DYSF: variants seen among roughly 807,000 people sequenced by gnomAD.
DYSF encodes dystrophy-associated fer-1-like 1.
In DYSF, 212 loss-of-function variants were observed where a neutral mutation model predicts 274.9. That is an observed-to-expected ratio of 0.77 (90% CI 0.69 to 0.86). DYSF has a LOEUF of 0.86. Ranked by LOEUF, DYSF falls within the 40% of genes least tolerant of loss-of-function variation. DYSF has a pLI of 0.00. For synonymous variants in DYSF, 1,091 were observed against 1,078.7 expected, an observed-to-expected ratio of 1.01 and a Z score of -0.22; for missense variants, 2,666 against 2,783.2, an observed-to-expected ratio of 0.96 and a Z score of 0.95.
intron 1 of DYSF, among the ~76,000 whole-genome samples, chr2:71,480,203 A>G (rs919425123): frequency 6.6e-6 from 1 of 152,200 alleles, no homozygotes; most frequent in Admixed American, 6.5e-5. Flanking sequence ...GTTGTTCAAA[A>G]GAGGAATGAA....
At chr2:71,672,345 T>C (rs2095140265) in intron 51 of DYSF, among the ~76,000 whole-genome samples, 1 of 152,198 alleles carries the variant, frequency 6.6e-6, no homozygotes, top group African/African-American at 2.4e-5. Context: ...GCAGGGGCAC[T>C]GCACAGCCTC....
intron 4 of DYSF, among the ~76,000 whole-genome samples, chr2:71,504,651 G>A (rs959137154): frequency 6.6e-6 from 1 of 152,214 alleles, no homozygotes; most frequent in African/African-American, 2.4e-5. Context: ...AGAAAGCCTT[G>A]GGGTCAGGCT....
chr2:71,574,482 G>GACCA, intron 30 of DYSF, 111 bp downstream of exon 30: 2 of 1,352,658 alleles, frequency 1.5e-6, no homozygotes, highest in Non-Finnish European at 2.0e-6. Flanking sequence ...ACTTTTGGAT[G>GACCA]GAACGCTGGC....
At chr2:71,630,531 GT>G (rs1029386402) in intron 41 of DYSF, among the ~76,000 whole-genome samples, 35 of 152,334 alleles carry the variant, frequency 2.3e-4, no homozygotes, top group African/African-American at 8.2e-4. Flanking sequence ...TCAGACACCT[GT>G]TGGGTCAATT....
chr2:71,618,534 GGGT>G (rs2093993274), intron 40 of DYSF, among the ~76,000 whole-genome samples: 1 of 134,310 alleles, frequency 7.4e-6, no homozygotes, highest in South Asian at 2.5e-4. Flanking sequence ...GGTAGAGGTG[GGGT>G]GTGTGTGTGT....
At chr2:71,571,643 G>A (rs111162094) in intron 29 of DYSF, among the ~76,000 whole-genome samples, 2 of 84,436 alleles carry the variant, frequency 2.4e-5, no homozygotes, top group Non-Finnish European at 4.4e-5. Context: ...AGCACATGCA[G>A]AGATCACACA....
At chr2:71,590,380 G>T in intron 32 of DYSF, 92 bp downstream of exon 32, 1 of 1,413,730 alleles carries the variant, frequency 7.1e-7, no homozygotes, top group Non-Finnish European at 1.0e-6. Context: ...GGTGCTGTTT[G>T]CTGGGTGCAT....
chr2:71,499,134 C>T (rs1327250548), intron 3 of DYSF, among the ~76,000 whole-genome samples: 1 of 152,162 alleles, frequency 6.6e-6, no homozygotes, highest in African/African-American at 2.4e-5. Flanking sequence ...ACAGGTAACC[C>T]CTCTTCTTAG....
In DYSF at chr2:71,623,930, G is replaced by A. The variant is rs142394722; in HGVS notation, c.4527+3321G>A. On this transcript the variant is annotated intron_variant, in intron 41 of 55. Coordinates refer to ENST00000410020, the MANE Select transcript of DYSF (RefSeq NM_001130987.2). ...CAGAAAATACAAAAATTAGCCAGGT[G>A]TGGTGGCACATGCCTGTAGTCCCAG... Among the ~76,000 whole-genome samples, 453 of 152,256 alleles carry A rather than the reference G, an allele frequency of 3.0e-3. 2 individuals carry two copies. The highest frequency in any genetic ancestry group is 0.011 in the African/African-American group (439 of 41,544).
intron 40 of DYSF, among the ~76,000 whole-genome samples, chr2:71,618,411 T>TGG (rs142055039): frequency 0.013 from 59 of 4,710 alleles, no homozygotes; most frequent in African/African-American, 0.017. Context: ...GTGGTAGAGG[T>TGG]GGTGTGTGTG....
In DYSF at chr2:71,511,877, C is replaced by A; in HGVS notation, c.416C>A (p.Pro139His). ...GAVPLFPPPT[P>H]LEPSPTLPDL... ...GTGCCCCTGTTCCCGCCCCCTACTC[C>A]TCTGGAGCCCTCCCCGACTCTGCCT... is the stretch of plus-strand genomic sequence containing the variant. The change falls in exon 5 of 56, where the codon CCT (proline) becomes CAT (histidine). Residue 139 changes from proline to histidine, a missense_variant. Coordinates refer to ENST00000410020, the MANE Select transcript of DYSF (RefSeq NM_001130987.2). 1 of 1,551,604 alleles carries A rather than the reference C, an allele frequency of 6.4e-7. No homozygotes were observed. The highest frequency in any genetic ancestry group is 1.2e-5 in the South Asian group (1 of 84,052).
chr2:71,564,331 G>C, intron 24 of DYSF, 118 bp downstream of exon 24: 1 of 1,418,858 alleles, frequency 7.0e-7, no homozygotes, highest in Non-Finnish European at 9.8e-7. Flanking sequence ...CTGTGGTCTT[G>C]GAAGGAGAAG....
chr2:71,454,414 G>A (rs948652474), intron 1 of DYSF, among the ~76,000 whole-genome samples: 2 of 152,168 alleles, frequency 1.3e-5, no homozygotes, highest in African/African-American at 2.4e-5. Context: ...TGCCGGCGGC[G>A]AAGCGCTGTA....
chr2:71,554,697 G>A (rs988185056), intron 21 of DYSF, among the ~76,000 whole-genome samples: 1 of 152,218 alleles, frequency 6.6e-6, no homozygotes, highest in Non-Finnish European at 1.5e-5. Flanking sequence ...AGGAACTCAA[G>A]TGGCTGGGGA....
intron 36 of DYSF, among the ~76,000 whole-genome samples, chr2:71,607,319 G>T (rs767288956): frequency 1.6e-4 from 24 of 152,172 alleles, no homozygotes; most frequent in Non-Finnish European, 2.9e-4. Context: ...GAAGGGCAGG[G>T]GTTGCGTGTG....
At chr2:71,643,512 C>A (rs894335248) in intron 41 of DYSF, among the ~76,000 whole-genome samples, 1 of 152,096 alleles carries the variant, frequency 6.6e-6, no homozygotes, top group Admixed American at 6.5e-5. Context: ...AGATAAAACT[C>A]TTTTGGGTCT....
rs1417033436 is a variant in DYSF at position 71,679,203 on chromosome 2, G to A, written c.6031G>A (p.Val2011Ile). ...QKTVKGWWPCVAEEGEKKILA... is the reference protein window; with the variant it reads ...QKTVKGWWPCIAEEGEKKILA... ...AACAGTGAAGGGCTGGTGGCCCTGT[G>A]TAGCAGAAGAGGGTGAGAAGAAAAT... The change falls in exon 53 of 56, where the codon GTA becomes ATA. Residue 2011 changes from valine to isoleucine, a missense_variant. Val to Ile is a conservative substitution (Grantham distance 29). This residue lies in a region of DYSF where 1,460 missense variants were observed against 1,502.1 expected (regional missense o/e 0.97). Transcript: ENST00000410020. The A allele has an allele frequency of 2.5e-6, 4 of 1,614,082 alleles. No homozygotes were observed. The highest frequency in any genetic ancestry group is 1.1e-5 in the South Asian group (1 of 91,082).
At chr2:71,603,527 C>T (rs889452500) in intron 36 of DYSF, among the ~76,000 whole-genome samples, 4 of 152,212 alleles carry the variant, frequency 2.6e-5, no homozygotes, top group African/African-American at 9.7e-5. Context: ...AATCCCCAGA[C>T]CGACAGCGGA....
chr2:71,490,210 T>G (rs2083716323), intron 3 of DYSF, among the ~76,000 whole-genome samples: 2 of 152,174 alleles, frequency 1.3e-5, no homozygotes, highest in African/African-American at 4.8e-5. Flanking sequence ...ACCTAAGTAA[T>G]TTTTATAAGT....
Sources: allele counts gnomAD v4.1 joint callset (sites outside exome capture counted in the v4.1 genomes callset), GRCh38; gene constraint gnomAD v4.1.1; regional missense constraint gnomAD v4.1.1; transcripts MANE v1.5; gene names NCBI Gene and HGNC (gene_info 2026-07-23, HGNC 2026-07-21).